Variants in IMMP2L observed in about 807,000 individuals in gnomAD.
IMMP2L encodes the protein inner mitochondrial membrane peptidase subunit 2, also known as mitochondrial inner membrane protease subunit 2.
Under a neutral mutation model 19.3 loss-of-function variants are expected in IMMP2L, and 18 were observed. That is an observed-to-expected ratio of 0.93 (90% CI 0.64 to 1.38). IMMP2L has a LOEUF of 1.38. Among genes scored for constraint, IMMP2L ranks in the 40% most tolerant of loss-of-function variants. The pLI is 0.00. For synonymous variants in IMMP2L, 76 were observed against 73.0 expected (o/e 1.04, Z -0.21); for missense variants, 233 against 218.2 (o/e 1.07, Z -0.43).
chr7:110,841,477 T>G (rs28409711), intron 5 of IMMP2L, among the ~76,000 whole-genome samples: 5,322 of 152,160 alleles, frequency 0.035, 208 homozygotes, highest in African/African-American at 0.098. Context: ...TGTTTATTTT[T>G]AGATAACTAA....
intron 3 of IMMP2L, among the ~76,000 whole-genome samples, chr7:111,314,845 T>C (rs1563048756): frequency 6.6e-6 from 1 of 152,184 alleles, no homozygotes; most frequent in Non-Finnish European, 1.5e-5. Flanking sequence ...TGGAATATAA[T>C]TGCAAGGGTA....
At chr7:110,753,163 T>A (rs1003220341) in intron 5 of IMMP2L, among the ~76,000 whole-genome samples, 7 of 152,068 alleles carry the variant, frequency 4.6e-5, no homozygotes, top group African/African-American at 1.4e-4. Flanking sequence ...CAAACTCCAT[T>A]GCTTTTTTGT....
chr7:111,144,359 G>A lies in IMMP2L; in HGVS notation c.240-180794C>T, dbSNP rs1458769781. Among the ~76,000 whole-genome samples, 4 of 152,114 alleles carry A rather than the reference G, an allele frequency of 2.6e-5. No homozygotes were observed. In the South Asian group the frequency reaches 6.2e-4, roughly 24 times the overall value. On this transcript the variant is annotated intron_variant, in intron 3 of 5. Transcript: ENST00000405709. ...TAGGAACATAGCAGTGAGCAAGATA[G>A]ATCATAATTTCTGCCCTTGTGGATC...
At chr7:110,890,321 A>T in intron 4 of IMMP2L, among the ~76,000 whole-genome samples, 1 of 152,172 alleles carries the variant, frequency 6.6e-6, no homozygotes, top group East Asian at 1.9e-4. Context: ...GTATATTTGA[A>T]TATTGCTATG....
intron 1 of IMMP2L, among the ~76,000 whole-genome samples, chr7:111,555,728 A>T (rs1791214463): frequency 6.6e-6 from 1 of 151,746 alleles, no homozygotes; most frequent in African/African-American, 2.4e-5. Context: ...AGCAGAATCT[A>T]TTTCTTTTTT....
At chr7:111,173,922 C>T (rs1806737621) in intron 3 of IMMP2L, among the ~76,000 whole-genome samples, 1 of 151,670 alleles carries the variant, frequency 6.6e-6, no homozygotes, top group Non-Finnish European at 1.5e-5. Flanking sequence ...CTAAAAGTAT[C>T]TACAGTGAAG....
At chr7:110,849,067 CTT>C (rs1432600183) in intron 5 of IMMP2L, among the ~76,000 whole-genome samples, 1 of 152,038 alleles carries the variant, frequency 6.6e-6, no homozygotes, top group African/African-American at 2.4e-5. Flanking sequence ...GAACTATAGA[CTT>C]TGGGTAATAA....
At chr7:111,078,232 T>C (rs549554232) in intron 3 of IMMP2L, among the ~76,000 whole-genome samples, 1 of 152,188 alleles carries the variant, frequency 6.6e-6, no homozygotes, top group Non-Finnish European at 1.5e-5. Flanking sequence ...ATATATTTCC[T>C]GAAGGAATGA....
At chr7:111,478,221 C>T (rs1248617439) in intron 3 of IMMP2L, among the ~76,000 whole-genome samples, 1 of 152,098 alleles carries the variant, frequency 6.6e-6, no homozygotes, top group African/African-American at 2.4e-5. Flanking sequence ...ACCCATCATC[C>T]AGTTCACTAA....
At position 110,935,806 on chromosome 7, in the gene IMMP2L, A is replaced by G. The variant is rs138742074; in HGVS notation, c.305+27694T>C. Among the ~76,000 whole-genome samples, 92 of 152,314 alleles carry G rather than the reference A, an allele frequency of 6.0e-4. 2 individuals are homozygous for G. The East Asian group carries it at 0.015, about 26-fold the overall frequency. On this transcript the variant is annotated intron_variant, in intron 4 of 5. Transcript: ENST00000405709. ...CTACCTGAGTTCAAACTATACTACA[A>G]GGCTACAGTAACCAAAACAGCATGG...
At chr7:111,468,740 A>T (rs1398164216) in intron 3 of IMMP2L, among the ~76,000 whole-genome samples, 1 of 152,142 alleles carries the variant, frequency 6.6e-6, no homozygotes, top group African/African-American at 2.4e-5. Flanking sequence ...ACCTGGACTT[A>T]GTAAATGGAG....
At chr7:111,012,472 T>G (rs1405954538) in intron 3 of IMMP2L, among the ~76,000 whole-genome samples, 1 of 152,132 alleles carries the variant, frequency 6.6e-6, no homozygotes, top group East Asian at 1.9e-4. Context: ...CTTTTTCAAT[T>G]TACAATGAAA....
chr7:110,837,351 G>T (rs569706904), intron 5 of IMMP2L, among the ~76,000 whole-genome samples: 1 of 152,026 alleles, frequency 6.6e-6, no homozygotes, highest in South Asian at 2.1e-4. Flanking sequence ...AGAGAAAAGA[G>T]GGGAAGGAAA....
At chr7:111,403,465 A>ATT (rs1385890484) in intron 3 of IMMP2L, among the ~76,000 whole-genome samples, 5 of 151,532 alleles carry the variant, frequency 3.3e-5, no homozygotes, top group Non-Finnish European at 5.9e-5. Flanking sequence ...ATATATATAT[A>ATT]TTTTTAAACA....
chr7:111,491,532 G>C (rs2132316581), intron 2 of IMMP2L, among the ~76,000 whole-genome samples: 1 of 152,136 alleles, frequency 6.6e-6, no homozygotes, highest in Admixed American at 6.5e-5. Flanking sequence ...TCTACCCCCA[G>C]GTTCCTCCTA....
rs181518635 is a variant in IMMP2L at position 111,145,290 on chromosome 7, G to A, written c.240-181725C>T. Among the ~76,000 whole-genome samples, 48 of 152,226 alleles carry A rather than the reference G, an allele frequency of 3.2e-4. No homozygotes were observed. The East Asian group carries it at 5.2e-3, about 17-fold the overall frequency. On this transcript the variant is annotated intron_variant, in intron 3 of 5. Coordinates refer to ENST00000405709, the MANE Select transcript of IMMP2L (RefSeq NM_032549.4). ...GAATATGTGTAGTTGCCTCTGTAGA[G>A]AGGAACCATGGCTGGAGGACAGAAG...
At chr7:110,776,223 A>G (rs1051708662) in intron 5 of IMMP2L, among the ~76,000 whole-genome samples, 16 of 152,044 alleles carry the variant, frequency 1.1e-4, no homozygotes, top group Non-Finnish European at 2.4e-4. Flanking sequence ...CACACTACAG[A>G]GATGGTTGTG....
intron 5 of IMMP2L, among the ~76,000 whole-genome samples, chr7:110,759,836 T>G (rs879825586): frequency 2.0e-5 from 3 of 152,156 alleles, no homozygotes; most frequent in Non-Finnish European, 4.4e-5. Context: ...GTTTATGTTG[T>G]GTGAATTTTC....
At chr7:110,859,269 G>A (rs975394760) in intron 5 of IMMP2L, among the ~76,000 whole-genome samples, 2 of 152,132 alleles carry the variant, frequency 1.3e-5, no homozygotes, top group East Asian at 1.9e-4. Context: ...GAGATTTTCA[G>A]AAGTATTTTT....
Sources: allele counts gnomAD v4.1 joint callset (sites outside exome capture counted in the v4.1 genomes callset), GRCh38; gene constraint gnomAD v4.1.1; transcripts MANE v1.5; gene names NCBI Gene and HGNC (gene_info 2026-07-23, HGNC 2026-07-21).